The following STXBP5L variants were observed in gnomAD, a reference collection of about 807,000 sequenced individuals.
STXBP5L encodes the protein syntaxin binding protein 5L, also known as syntaxin-binding protein 5-like.
In STXBP5L, 65 loss-of-function variants were observed where a neutral mutation model predicts 144.5. That is an observed-to-expected ratio of 0.45 (90% CI 0.37 to 0.55). The LOEUF is 0.55. Among genes scored for constraint, STXBP5L ranks in the 20% least tolerant of loss-of-function variants. STXBP5L has a pLI of 0.00. For synonymous variants in STXBP5L, 505 were observed against 469.6 expected, an observed-to-expected ratio of 1.08 and a Z score of -0.97; for missense variants, 1,298 against 1,405.5, an observed-to-expected ratio of 0.92 and a Z score of 1.22.
Position 121,188,349 on chromosome 3 carries a change from G to A in STXBP5L, c.878-17574G>A, listed in dbSNP as rs1458327829. On this transcript the variant is annotated intron_variant, in intron 9 of 26. Coordinates refer to ENST00000471454, the MANE Select transcript of STXBP5L (RefSeq NM_001308330.2). ...ACAACAAACTGTCTCTCAGAACACA[G>A]TGCAATCAAATTAGAACTCAGAATT... 3.9e-5 allele frequency among the ~76,000 whole-genome samples: 6 copies of A among 152,258 alleles called. No homozygotes were observed. In the East Asian group the frequency reaches 1.2e-3, roughly 29 times the overall value.
At chr3:121,204,455 C>A (rs1255159168) in intron 9 of STXBP5L, among the ~76,000 whole-genome samples, 1 of 152,000 alleles carries the variant, frequency 6.6e-6, no homozygotes. Context: ...GAAAGCATGC[C>A]AAGCAGCAGA....
At chr3:120,984,948 A>G (rs1625047) in intron 3 of STXBP5L, among the ~76,000 whole-genome samples, 72,056 of 151,686 alleles carry the variant, frequency 0.48, 17,707 homozygotes, top group African/African-American at 0.56. Context: ...TCAGTCTCTT[A>G]TTAGATATTA....
At chr3:121,097,514 G>A (rs550772061) in intron 5 of STXBP5L, among the ~76,000 whole-genome samples, 4 of 152,204 alleles carry the variant, frequency 2.6e-5, no homozygotes, top group African/African-American at 9.7e-5. Flanking sequence ...CTGGGCTGGA[G>A]TGTGCACCCT....
At chr3:121,010,799 AT>A (rs1559997135) in intron 3 of STXBP5L, among the ~76,000 whole-genome samples, 1 of 151,876 alleles carries the variant, frequency 6.6e-6, no homozygotes, top group Non-Finnish European at 1.5e-5. Flanking sequence ...ATATTTATTC[AT>A]TTAGTGGAAG....
At chr3:121,349,986 T>G (rs2045201517) in intron 20 of STXBP5L, among the ~76,000 whole-genome samples, 1 of 152,146 alleles carries the variant, frequency 6.6e-6, no homozygotes, top group South Asian at 2.1e-4. Flanking sequence ...TATGTGTGAA[T>G]TTGATCCTGT....
At chr3:121,091,427 C>A (rs2042787090) in intron 5 of STXBP5L, among the ~76,000 whole-genome samples, 1 of 151,854 alleles carries the variant, frequency 6.6e-6, no homozygotes, top group South Asian at 2.1e-4. Flanking sequence ...TCTCCACATC[C>A]TCTCCAGCAC....
At chr3:121,365,478 G>T (rs2045838660) in intron 20 of STXBP5L, among the ~76,000 whole-genome samples, 1 of 151,002 alleles carries the variant, frequency 6.6e-6, no homozygotes, top group South Asian at 2.1e-4. Flanking sequence ...TTCACGGTTT[G>T]TATTTCTTTG....
At chr3:121,111,322 C>A (rs1338162296) in intron 5 of STXBP5L, among the ~76,000 whole-genome samples, 3 of 152,124 alleles carry the variant, frequency 2.0e-5, no homozygotes, top group Admixed American at 6.5e-5. Context: ...AAGCACTCTG[C>A]TTTTTGAGTG....
intron 19 of STXBP5L, among the ~76,000 whole-genome samples, chr3:121,318,052 A>G (rs998559675): frequency 6.6e-6 from 1 of 152,090 alleles, no homozygotes; most frequent in African/African-American, 2.4e-5. Context: ...GCTATTTCTT[A>G]TAAAAATAGT....
At chr3:121,299,028 A>G (rs2051777729) in intron 19 of STXBP5L, among the ~76,000 whole-genome samples, 1 of 152,138 alleles carries the variant, frequency 6.6e-6, no homozygotes, top group Non-Finnish European at 1.5e-5. Context: ...ACAATCACCA[A>G]CACAACAGCA....
chr3:121,390,213 G>C (rs921249816), intron 22 of STXBP5L, among the ~76,000 whole-genome samples: 17 of 152,050 alleles, frequency 1.1e-4, no homozygotes, highest in Non-Finnish European at 1.0e-4. Flanking sequence ...TGCAATCCCT[G>C]CTCTTTTTTT....
intron 10 of STXBP5L, among the ~76,000 whole-genome samples, 198 bp from the exon 11 acceptor site, chr3:121,222,805 A>G (rs901354446): frequency 5.9e-5 from 9 of 152,188 alleles, no homozygotes; most frequent in African/African-American, 2.2e-4. Flanking sequence ...AGTAAATTTA[A>G]TGTGAGAATG....
intron 20 of STXBP5L, among the ~76,000 whole-genome samples, chr3:121,327,366 G>A: frequency 6.6e-6 from 1 of 152,130 alleles, no homozygotes; most frequent in East Asian, 1.9e-4. Context: ...ACATAAATTT[G>A]GAAAGAATGA....
chr3:121,052,386 G>T (rs1355385299), intron 5 of STXBP5L, among the ~76,000 whole-genome samples: 1 of 152,112 alleles, frequency 6.6e-6, no homozygotes, highest in African/African-American at 2.4e-5. Context: ...ACATCAAAAA[G>T]CTTATCCACC....
intron 7 of STXBP5L, among the ~76,000 whole-genome samples, chr3:121,133,000 A>G (rs2045066167): frequency 1.3e-5 from 2 of 152,184 alleles, no homozygotes; most frequent in African/African-American, 4.8e-5. Context: ...ATGGGGTACA[A>G]TTAAAGTGGG....
At chr3:121,152,618 A>G (rs2045970694) in intron 8 of STXBP5L, 58 bp downstream of exon 8, 4 of 1,310,446 alleles carry the variant, frequency 3.1e-6, no homozygotes, top group South Asian at 1.3e-5. Flanking sequence ...CCTGTTTACT[A>G]CTTTTAAGCT....
At chr3:120,966,366 A>G (rs1178010773) in intron 3 of STXBP5L, among the ~76,000 whole-genome samples, 4 of 152,062 alleles carry the variant, frequency 2.6e-5, no homozygotes, top group African/African-American at 7.2e-5. Flanking sequence ...TGGCAGTTTG[A>G]TTTTTAGAAT....
rs1340092035 is a variant in STXBP5L, at chr3:121,359,993, A to ATATATTATTACTATATAATATAATATG, written c.2177-18697_2177-18696insGTATATTATTACTATATAATATAATAT. ...ATATATAATATAATATATATAATAT[A>ATATATTATTACTATATAATATAATATG]TATATTATTACTATATAATATAATA... is the stretch of plus-strand genomic sequence containing the variant. On this transcript the variant is annotated intron_variant, in intron 20 of 26. Transcript: ENST00000471454. Among the ~76,000 whole-genome samples, 487 of 145,876 alleles carry ATATATTATTACTATATAATATAATATG rather than the reference A, an allele frequency of 3.3e-3. 5 individuals are homozygous for ATATATTATTACTATATAATATAATATG. The highest frequency in any genetic ancestry group is 0.01 in the African/African-American group (403 of 39,990).
chr3:120,958,789 G>A (rs1397523029), intron 3 of STXBP5L, among the ~76,000 whole-genome samples: 2 of 152,114 alleles, frequency 1.3e-5, no homozygotes, highest in African/African-American at 4.8e-5. Flanking sequence ...CAAACCCACA[G>A]CCAATATTAT....
Sources: allele counts gnomAD v4.1 joint callset (sites outside exome capture counted in the v4.1 genomes callset), GRCh38; gene constraint gnomAD v4.1.1; transcripts MANE v1.5; gene names NCBI Gene and HGNC (gene_info 2026-07-23, HGNC 2026-07-21).